The following KANSL1 variants were observed in gnomAD, a reference collection of about 807,000 sequenced individuals.
The protein encoded by KANSL1 is KAT8 regulatory NSL complex subunit 1, also known as MLL1/MLL complex subunit KANSL1.
KANSL1 carries 22 observed loss-of-function variants against 103.6 expected under a neutral mutation model. The ratio of observed to expected loss-of-function variants is 0.21; its 90% CI spans 0.15 to 0.30. KANSL1 has a LOEUF of 0.30. Among genes scored for constraint, KANSL1 ranks in the 10% least tolerant of loss-of-function variants. The pLI is 1.00. For synonymous variants in KANSL1, 600 were observed against 527.6 expected (o/e 1.14, Z -1.88); for missense variants, 1,337 against 1,399.8 (o/e 0.96, Z 0.72).
At chr17:46,200,058 C>CAA (rs1173727054) in intron 1 of KANSL1, among the ~76,000 whole-genome samples, 1 of 152,030 alleles carries the variant, frequency 6.6e-6, no homozygotes, top group Non-Finnish European at 1.5e-5. Context: ...CACACACACA[C>CAA]ACACACACCC....
chr17:46,214,730 G>T (rs1386252835), intron 1 of KANSL1, among the ~76,000 whole-genome samples: 2 of 151,986 alleles, frequency 1.3e-5, no homozygotes, highest in Non-Finnish European at 2.9e-5. Flanking sequence ...AAAGAACCTA[G>T]ACACTAGCTG....
intron 1 of KANSL1, among the ~76,000 whole-genome samples, chr17:46,180,921 A>G (rs548637624): frequency 4.7e-4 from 72 of 152,334 alleles, no homozygotes; most frequent in South Asian, 2.3e-3. Context: ...AGTATCATTA[A>G]ACACTTTTTA....
chr17:46,045,730 G>A (rs1433865988), intron 7 of KANSL1: 7 of 152,162 alleles, frequency 4.6e-5, no homozygotes, highest in African/African-American at 1.7e-4. Flanking sequence ...GTGTCCTGCA[G>A]TCAGCAGGAC....
intron 1 of KANSL1, among the ~76,000 whole-genome samples, chr17:46,178,852 C>A (rs1001340485): frequency 6.6e-6 from 1 of 152,148 alleles, no homozygotes; most frequent in Non-Finnish European, 1.5e-5. Flanking sequence ...GTGAGAAATA[C>A]AAGTTGGGAT....
chr17:46,035,546 T>C (rs1358822835), intron 10 of KANSL1: 1 of 152,162 alleles, frequency 6.6e-6, no homozygotes, highest in African/African-American at 2.4e-5. Context: ...CTCAGAAATT[T>C]AGGATATCTG....
At chr17:46,134,845 C>CA (rs112421165) in intron 2 of KANSL1, among the ~76,000 whole-genome samples, 21,007 of 145,520 alleles carry the variant, frequency 0.14, 1,987 homozygotes, top group Non-Finnish European at 0.21. Flanking sequence ...ACTCGGTCTC[C>CA]AAAAAAAAAA....
rs537598374 is a variant in KANSL1, at chr17:46,033,214, G to A, written c.2725-22C>T. 1.8e-5 allele frequency: 28 copies of A among 1,555,042 alleles called. 1 individual carries two copies. The South Asian group carries it at 2.3e-4, about 13-fold the overall frequency. On this transcript the variant is annotated intron_variant, in intron 12 of 14. Coordinates refer to ENST00000432791, the MANE Select transcript of KANSL1 (RefSeq NM_015443.4). ...CAATCTGCAATAGAGCAGCTTCATC[G>A]ATCCCCTCTTTTCTCCAGGAGTTAA...
At chr17:46,090,080 T>G (rs1171805637) in intron 3 of KANSL1, among the ~76,000 whole-genome samples, 1 of 152,068 alleles carries the variant, frequency 6.6e-6, no homozygotes, top group African/African-American at 2.4e-5. Context: ...CTAAATTCAA[T>G]ATGACTGGTG....
chr17:46,177,912 G>A (rs2046602568), intron 1 of KANSL1, among the ~76,000 whole-genome samples: 2 of 152,150 alleles, frequency 1.3e-5, no homozygotes, highest in African/African-American at 2.4e-5. Flanking sequence ...CCAGTAGCTG[G>A]AACTACAGGC....
chr17:46,225,024 G>A (rs2048642070), upstream of KANSL1: 2 of 151,462 alleles, frequency 1.3e-5, no homozygotes, highest in South Asian at 4.1e-4. Context: ...CCCGGCCGCG[G>A]CCCCGGCCCG....
chr17:46,068,991 T>C (rs75975083), intron 4 of KANSL1, among the ~76,000 whole-genome samples: 21,807 of 152,202 alleles, frequency 0.14, 2,131 homozygotes, highest in Non-Finnish European at 0.22. Flanking sequence ...AGTGGCATGA[T>C]AGCAGCTCAC....
chr17:46,135,489 T>C (rs537093093), intron 2 of KANSL1, among the ~76,000 whole-genome samples: 24 of 151,882 alleles, frequency 1.6e-4, no homozygotes, highest in Non-Finnish European at 3.1e-4. Context: ...TTCTAAAAGA[T>C]TCAATTATAC....
At chr17:46,125,068 AGGAG>A (rs1567702593) in intron 2 of KANSL1, among the ~76,000 whole-genome samples, 1 of 23,032 alleles carries the variant, frequency 4.3e-5, no homozygotes, top group African/African-American at 1.7e-4. Flanking sequence ...GGAGGGAGGG[AGGAG>A]GGAGGGAGGG....
chr17:46,123,332 G>A (rs558891233), intron 2 of KANSL1, among the ~76,000 whole-genome samples: 3 of 152,280 alleles, frequency 2.0e-5, no homozygotes, highest in Non-Finnish European at 2.9e-5. Context: ...AGCCAAGATC[G>A]TGCCACCACA....
intron 1 of KANSL1, among the ~76,000 whole-genome samples, chr17:46,219,157 G>A (rs144416125): frequency 0.14 from 21,818 of 151,618 alleles, 2,120 homozygotes; most frequent in Middle Eastern, 0.22. Flanking sequence ...CCAGCTACTT[G>A]GGAGGCTGAG....
chr17:46,177,870 C>T (rs566602863), intron 1 of KANSL1, among the ~76,000 whole-genome samples: 13 of 152,176 alleles, frequency 8.5e-5, no homozygotes, highest in African/African-American at 2.9e-4. Context: ...CTCCACCTCC[C>T]GGGTTCACGC....
chr17:46,110,884 G>C (rs2042773347), intron 2 of KANSL1, among the ~76,000 whole-genome samples: 1 of 152,168 alleles, frequency 6.6e-6, no homozygotes, highest in South Asian at 2.1e-4. Context: ...CTATGTCCTA[G>C]ATACAAAGCA....
In KANSL1 at chr17:46,171,102, G is replaced by A. The variant is rs1427624649; in HGVS notation, c.1042C>T (p.Arg348Ter). The A allele has an allele frequency of 1.9e-6, 3 of 1,614,156 alleles. No homozygotes were observed. Among genetic ancestry groups the A allele is most frequent in the Non-Finnish European group, 2.5e-6 (3 of 1,180,036 alleles). Reference protein sequence around the residue: ...LRPRSQLMLTRKAEAALRKAA... With the variant: ...LRPRSQLMLT Reference sequence around the variant, plus strand: ...TTTCTCAAGGCAGCTTCAGCCTTTCGAGTCAGCATCAACTGGCTCCGTGGT... The same window carrying A: ...TTTCTCAAGGCAGCTTCAGCCTTTCAAGTCAGCATCAACTGGCTCCGTGGT... The change falls in exon 2 of 15, where the codon CGA becomes TGA. Residue 348 changes from arginine (R) to a stop codon, truncating the protein, a stop_gained. Transcript: ENST00000432791. LOFTEE classifies it high-confidence loss of function.
intron 2 of KANSL1, among the ~76,000 whole-genome samples, chr17:46,127,699 G>C (rs2043641333): frequency 6.6e-6 from 1 of 151,896 alleles, no homozygotes; most frequent in Non-Finnish European, 1.5e-5. Flanking sequence ...GACTGCTTGA[G>C]CCCAGGACAG....
Sources: gnomAD v4.1 joint callset for allele counts (sites outside exome capture counted in the v4.1 genomes callset) on GRCh38, gnomAD v4.1.1 for gene constraint, MANE v1.5 for transcripts, NCBI Gene and HGNC (gene_info 2026-07-23, HGNC 2026-07-21) for gene names.